The following CD160 variants were observed in gnomAD, a reference collection of about 807,000 sequenced individuals.
CD160 encodes the protein CD160 antigen.
Under a neutral mutation model 19.2 loss-of-function variants are expected in CD160, and 11 were observed. The observed-to-expected ratio is 0.57, with a 90% CI of 0.36 to 0.95. The LOEUF (loss-of-function observed/expected upper bound fraction) is 0.95. Ranked by LOEUF, CD160 falls within the 40% of genes least tolerant of loss-of-function variation. CD160 has a pLI of 0.01. For synonymous variants in CD160, 75 were observed against 81.1 expected (o/e 0.93, Z 0.40); for missense variants, 182 against 213.2 (o/e 0.85, Z 0.91).
chr1:145,721,989 A>C (rs1553707871), intron 1 of CD160, among the ~76,000 whole-genome samples: 2 of 152,134 alleles, frequency 1.3e-5, no homozygotes, highest in Non-Finnish European at 2.9e-5. Context: ...GACTCTCATA[A>C]CTTGGGTTAG....
chr1:145,724,376 T>C (rs1656973185), intron 1 of CD160, among the ~76,000 whole-genome samples: 1 of 152,212 alleles, frequency 6.6e-6, no homozygotes, highest in Non-Finnish European at 1.5e-5. Flanking sequence ...CCCTTTGCTT[T>C]ATTTTCTTGT....
Position 145,736,034 on chromosome 1 carries a change from A to G in CD160, c.438A>G (p.Arg146=), listed in dbSNP as rs1553710084. Residue 146 remains arginine (R), a synonymous_variant, in exon 5 of 6, where the codon AGA becomes AGG. Transcript: ENST00000369288. The stretch of plus-strand genomic sequence containing the variant: ...ACACAGTGACGGGATTGAAACAAAG[A>G]CAACACCTTGAGTTCAGCCATAATG... ...GNYTVTGLKQ[R]QHLEFSHNEG... 6 of 1,613,998 alleles carry G rather than the reference A, an allele frequency of 3.7e-6. No individual in the cohort carries two copies. Among genetic ancestry groups the G allele is most frequent in the Non-Finnish European group, 5.1e-6 (6 of 1,179,870 alleles).
intron 4 of CD160, among the ~76,000 whole-genome samples, chr1:145,731,663 T>C (rs1553709344): frequency 6.6e-6 from 1 of 152,098 alleles, no homozygotes; most frequent in African/African-American, 2.4e-5. Context: ...AGAGCGAAAC[T>C]GTGTCTCAAA....
chr1:145,731,039 TCAGGGC>T lies in CD160; in HGVS notation c.372_377del (p.Gln124_Gly125del). 1 of 1,614,068 alleles carries T rather than the reference TCAGGGC, an allele frequency of 6.2e-7. No homozygotes were observed. The highest frequency in any genetic ancestry group is 1.1e-5 in the South Asian group (1 of 91,066). ...GAAGCCAGAAGTCAGGTATCCGCCT[TCAGGGC>T]CATTTTTTCTCCATTCTATTCACAG... is the stretch of plus-strand genomic sequence containing the variant. On this transcript the variant is annotated inframe_deletion, in exon 4 of 6. Coordinates refer to ENST00000369288, the MANE Select transcript of CD160 (RefSeq NM_007053.4).
At chr1:145,734,004 T>C (rs587690283) in intron 4 of CD160, among the ~76,000 whole-genome samples, 1 of 152,312 alleles carries the variant, frequency 6.6e-6, no homozygotes, top group East Asian at 1.9e-4. Context: ...AAAGCTATCC[T>C]CCTGAGACCC....
At chr1:145,719,773 C>A (rs1377765902) in intron 1 of CD160, among the ~76,000 whole-genome samples, 10 of 152,164 alleles carry the variant, frequency 6.6e-5, no homozygotes, top group Admixed American at 6.5e-4. Context: ...GAATCCTGGC[C>A]CCATTCTGAC....
rs1657590944 is a variant in CD160, at chr1:145,738,600, CA to C, written c.*108del. 1 of 655,294 alleles carries C rather than the reference CA, an allele frequency of 1.5e-6. No individual in the cohort carries two copies. Among genetic ancestry groups the C allele is most frequent in the Admixed American group, 3.2e-5 (1 of 31,722 alleles). 40.6% of individuals were successfully genotyped at this position (655,294 alleles called of 1,614,324 possible). A position where few individuals can be genotyped will look rare whatever the true frequency, so the allele number is the denominator to read the frequency against. On this transcript the variant is annotated 3_prime_UTR_variant, in exon 6 of 6. Coordinates refer to ENST00000369288, the MANE Select transcript of CD160 (RefSeq NM_007053.4). The stretch of plus-strand genomic sequence containing the variant: ...GCACAGAGAAGAATGCAACAGGGCA[CA>C]GGGGAAGAGATGCTAAATATACCAA...
At chr1:145,729,221 T>C (rs1657183998) in intron 3 of CD160, among the ~76,000 whole-genome samples, 1 of 152,200 alleles carries the variant, frequency 6.6e-6, no homozygotes, top group Non-Finnish European at 1.5e-5. Context: ...CCATATCTCT[T>C]ACTCTTGTAG....
chr1:145,731,021 GA>G lies in CD160; in HGVS notation c.353del (p.Lys118SerfsTer23). The G allele has an allele frequency of 6.2e-7, 1 of 1,614,174 alleles. No individual in the cohort carries two copies. Among genetic ancestry groups the G allele is most frequent in the Non-Finnish European group, 8.5e-7 (1 of 1,180,030 alleles). ...CCTACCAGTGTTGTGCCAGAAGCCA[GA>G]AGTCAGGTATCCGCCTTCAGGGCCA... Reference protein sequence around the residue: ...GTYQCCARSQKSGIRLQGHFF... With the variant: ...GTYQCCARSQXSGIRLQGHFF... On this transcript the variant is annotated frameshift_variant, in exon 4 of 6. Transcript: ENST00000369288. LOFTEE classifies it high-confidence loss of function.
At position 145,738,800 on chromosome 1, in the gene CD160, C is replaced by T. The variant is rs587774200; in HGVS notation, c.*307C>T. On this transcript the variant is annotated 3_prime_UTR_variant, in exon 6 of 6. Coordinates refer to ENST00000369288, the MANE Select transcript of CD160 (RefSeq NM_007053.4). The stretch of plus-strand genomic sequence containing the variant: ...CGGATAAATATATGCGTTTTTGTAC[C>T]CCAGAAAAACTTTTCCTCCCTCTTC... 5.5e-5 allele frequency: 13 copies of T among 236,318 alleles called. No individual in the cohort carries two copies. In the South Asian group the frequency reaches 2.3e-3, roughly 43 times the overall value. The allele number at this position is 236,318 out of a possible 1,614,324, so 14.6% of individuals were successfully genotyped here. A position where few individuals can be genotyped will look rare whatever the true frequency, so the allele number is the denominator to read the frequency against.
At chr1:145,726,131 T>C (rs1657042607) in intron 2 of CD160, among the ~76,000 whole-genome samples, 1 of 152,188 alleles carries the variant, frequency 6.6e-6, no homozygotes, top group Non-Finnish European at 1.5e-5. Flanking sequence ...TTTTACACTG[T>C]TGATGGGAGT....
At chr1:145,732,348 T>C (rs1657330036) in intron 4 of CD160, among the ~76,000 whole-genome samples, 2 of 151,920 alleles carry the variant, frequency 1.3e-5, no homozygotes, top group African/African-American at 4.8e-5. Flanking sequence ...AGTGAATCCA[T>C]AAAGGGGATA....
At chr1:145,736,478 G>T (rs1657500387) in intron 5 of CD160, 1 of 384,500 alleles carries the variant, frequency 2.6e-6, no homozygotes, top group African/African-American at 2.1e-5. Context: ...AGGAAGAAAA[G>T]GCAAGAGACA....
intron 1 of CD160, among the ~76,000 whole-genome samples, chr1:145,721,185 C>T (rs1656829011): frequency 6.6e-6 from 1 of 152,200 alleles, no homozygotes; most frequent in Admixed American, 6.5e-5. Flanking sequence ...CCACCAGGCC[C>T]AACTTTGCAC....
Position 145,728,383 on chromosome 1 carries a change from T to C in CD160, c.56T>C (p.Val19Ala), listed in dbSNP as rs1657139545. The C allele has an allele frequency of 1.2e-6, 2 of 1,612,326 alleles. No homozygotes were observed. Among genetic ancestry groups the C allele is most frequent in the Admixed American group, 1.7e-5 (1 of 59,958 alleles). Residue 19 changes from valine (V) to alanine (A), a missense_variant, in exon 3 of 6, where the codon GTG becomes GCG. Transcript: ENST00000369288. ...CCALAILLAI[V>A]DIQSGGCINI... ...GCCCTGGCCATCCTGCTGGCAATTG[T>C]GGACATCCAGTCTGGTGGTGAGGAT...
At chr1:145,732,111 C>A (rs1260272871) in intron 4 of CD160, among the ~76,000 whole-genome samples, 2 of 152,046 alleles carry the variant, frequency 1.3e-5, no homozygotes, top group African/African-American at 4.8e-5. Flanking sequence ...TTGTGCCCAA[C>A]AGAAAGTGTC....
chr1:145,727,755 T>TA (rs1553708575), intron 2 of CD160, among the ~76,000 whole-genome samples: 1 of 152,178 alleles, frequency 6.6e-6, no homozygotes, highest in Non-Finnish European at 1.5e-5. Context: ...AAGGGAATAC[T>TA]AATGACCAAT....
intron 2 of CD160, 36 bp from the exon 3 acceptor site, chr1:145,728,220 G>A: frequency 1.3e-6 from 1 of 753,636 alleles, no homozygotes; most frequent in Non-Finnish European, 2.3e-6. Context: ...TGGAACCCTG[G>A]AAGGCTTTGT....
intron 2 of CD160, among the ~76,000 whole-genome samples, chr1:145,726,731 A>T (rs908891894): frequency 9.3e-5 from 14 of 151,326 alleles, no homozygotes; most frequent in Non-Finnish European, 1.8e-4. Context: ...AAAGTATATT[A>T]AAAAAAAGAT....
Sources: gnomAD v4.1 joint callset for allele counts (sites outside exome capture counted in the v4.1 genomes callset) on GRCh38, gnomAD v4.1.1 for gene constraint, MANE v1.5 for transcripts, NCBI Gene and HGNC (gene_info 2026-07-23, HGNC 2026-07-21) for gene names.